Variants in ADD3 observed in about 807,000 individuals in gnomAD.
ADD3 encodes the protein adducin 3, also known as gamma-adducin.
In ADD3, 25 loss-of-function variants were observed where a neutral mutation model predicts 80.2. That is an observed-to-expected ratio of 0.31 (90% CI 0.23 to 0.44). The LOEUF (loss-of-function observed/expected upper bound fraction) is 0.44, where lower values mean the gene tolerates loss of function less well. Among genes scored for constraint, ADD3 ranks in the 20% least tolerant of loss-of-function variants. ADD3 has a pLI of 1.00. For missense variants in ADD3, 829 were observed against 847.5 expected (o/e 0.98, Z 0.27); for synonymous variants, 284 against 289.6 (o/e 0.98, Z 0.20).
chr10:110,076,711 TC>T (rs1323315550), intron 1 of ADD3, among the ~76,000 whole-genome samples: 3 of 152,226 alleles, frequency 2.0e-5, no homozygotes, highest in Non-Finnish European at 2.9e-5. Flanking sequence ...TGGTTGGACT[TC>T]CTTTATAGTA....
chr10:110,032,530 G>A (rs1055400763), intron 1 of ADD3, among the ~76,000 whole-genome samples: 59 of 152,296 alleles, frequency 3.9e-4, no homozygotes, highest in African/African-American at 1.3e-3. Flanking sequence ...CATAGTATTT[G>A]TACATGTACA....
chr10:110,029,283 C>T (rs1179454602), intron 1 of ADD3, among the ~76,000 whole-genome samples: 6 of 152,114 alleles, frequency 3.9e-5, no homozygotes, highest in Non-Finnish European at 7.4e-5. Context: ...AATAGATTGT[C>T]GTGATGATTA....
intron 1 of ADD3, among the ~76,000 whole-genome samples, chr10:110,046,289 A>G (rs1856898034): frequency 6.6e-6 from 1 of 152,172 alleles, no homozygotes; most frequent in Admixed American, 6.5e-5. Flanking sequence ...TATTTTCTAT[A>G]GCTTGCTTTA....
intron 1 of ADD3, among the ~76,000 whole-genome samples, chr10:110,097,713 T>G (rs1186066786): frequency 6.6e-6 from 1 of 152,116 alleles, no homozygotes; most frequent in Non-Finnish European, 1.5e-5. Flanking sequence ...AATTGTCACG[T>G]CTTAGTCTCC....
chr10:110,059,780 AAAAT>A (rs1194510878), intron 1 of ADD3, among the ~76,000 whole-genome samples: 1 of 152,214 alleles, frequency 6.6e-6, no homozygotes, highest in African/African-American at 2.4e-5. Flanking sequence ...AAAAAAATAA[AAAAT>A]AAATAAAGAT....
At chr10:110,100,951 A>G (rs1443164027) in intron 2 of ADD3, 103 bp downstream of exon 2, 9 of 1,089,072 alleles carry the variant, frequency 8.3e-6, no homozygotes, top group Middle Eastern at 3.1e-4. Flanking sequence ...AGAGGGGTGG[A>G]GGAGGAGTGG....
At chr10:110,125,713 GA>G (rs1304347906) in intron 10 of ADD3, 112 bp from the exon 11 acceptor site, 7 of 713,920 alleles carry the variant, frequency 9.8e-6, no homozygotes, top group Non-Finnish European at 1.3e-5. Flanking sequence ...ACTGCTTAGT[GA>G]AATTATTTAA....
chr10:110,067,661 T>C (rs1157732148), intron 1 of ADD3, among the ~76,000 whole-genome samples: 1 of 152,222 alleles, frequency 6.6e-6, no homozygotes. Context: ...TACCCCAAAA[T>C]TCGTGTCAGT....
At chr10:110,095,572 C>T (rs1281368136) in intron 1 of ADD3, among the ~76,000 whole-genome samples, 1 of 152,170 alleles carries the variant, frequency 6.6e-6, no homozygotes, top group Non-Finnish European at 1.5e-5. Flanking sequence ...ATGTAATATT[C>T]CACTTTCTGG....
At chr10:110,078,111 T>G (rs554982717) in intron 1 of ADD3, among the ~76,000 whole-genome samples, 1 of 152,356 alleles carries the variant, frequency 6.6e-6, no homozygotes, top group East Asian at 1.9e-4. Flanking sequence ...TGCTTCAGCT[T>G]CCTCCTTTTT....
At chr10:110,009,932 T>G (rs1054365662) in intron 1 of ADD3, among the ~76,000 whole-genome samples, 1 of 152,228 alleles carries the variant, frequency 6.6e-6, no homozygotes, top group Non-Finnish European at 1.5e-5. Context: ...TTTGACATAG[T>G]TGATCATATG....
intron 1 of ADD3, among the ~76,000 whole-genome samples, chr10:110,057,941 T>C (rs1858407573): frequency 1.3e-5 from 2 of 152,240 alleles, no homozygotes; most frequent in African/African-American, 4.8e-5. Context: ...TCAAAAATTA[T>C]AGATAAAAAT....
upstream of ADD3, among the ~76,000 whole-genome samples, chr10:110,002,273 T>C (rs73349405): frequency 7.9e-4 from 120 of 151,684 alleles, no homozygotes; most frequent in African/African-American, 2.8e-3. Context: ...AAAAAGAAAC[T>C]AGTGAGTCTT....
chr10:110,027,926 A>G (rs1854502001), intron 1 of ADD3, among the ~76,000 whole-genome samples: 1 of 152,222 alleles, frequency 6.6e-6, no homozygotes, highest in Non-Finnish European at 1.5e-5. Context: ...GGTTATGCTT[A>G]AGTGAGAGGA....
At chr10:110,011,532 T>C (rs540737436) in intron 1 of ADD3, among the ~76,000 whole-genome samples, 2 of 152,242 alleles carry the variant, frequency 1.3e-5, no homozygotes, top group Non-Finnish European at 2.9e-5. Flanking sequence ...GCAAGCTTTA[T>C]TGAAGACACA....
In ADD3 at chr10:110,049,874, G is replaced by A. The variant is rs561329193; in HGVS notation, c.-30+41575G>A. Reference sequence around the variant, plus strand: ...TGCACTCCAGCCTGGGCGACAGAGCGAGACTCCGTCTCAAAAAAAAAAAAA... The same window carrying A: ...TGCACTCCAGCCTGGGCGACAGAGCAAGACTCCGTCTCAAAAAAAAAAAAA... On this transcript the variant is annotated intron_variant, in intron 1 of 14. Transcript: ENST00000356080. Among the ~76,000 whole-genome samples the A allele has an allele frequency of 2.2e-4, 32 of 146,894 alleles. 1 individual carries two copies. The East Asian group carries it at 4.3e-3, about 20-fold the overall frequency.
chr10:110,124,974 A>G (rs1323882876), intron 10 of ADD3, among the ~76,000 whole-genome samples: 1 of 152,244 alleles, frequency 6.6e-6, no homozygotes, highest in East Asian at 1.9e-4. Flanking sequence ...GGTGTATTTT[A>G]TATGTGGCCC....
At chr10:110,051,204 A>T (rs948897294) in intron 1 of ADD3, among the ~76,000 whole-genome samples, 1 of 152,262 alleles carries the variant, frequency 6.6e-6, no homozygotes, top group Non-Finnish European at 1.5e-5. Flanking sequence ...TAAGACTCTT[A>T]GAAGAAACCA....
intron 1 of ADD3, among the ~76,000 whole-genome samples, chr10:110,020,235 G>A (rs569870833): frequency 6.6e-6 from 1 of 152,252 alleles, no homozygotes; most frequent in South Asian, 2.1e-4. Flanking sequence ...CATTCTAAGT[G>A]CTGAGAATTT....
Sources: gnomAD v4.1 joint callset for allele counts (sites outside exome capture counted in the v4.1 genomes callset) on GRCh38, gnomAD v4.1.1 for gene constraint, MANE v1.5 for transcripts, NCBI Gene and HGNC (gene_info 2026-07-23, HGNC 2026-07-21) for gene names.